Variants in KLRC1 observed in about 807,000 individuals in gnomAD.
KLRC1 encodes NKG2-A/NKG2-B type II integral membrane protein.
KLRC1 carries 22 observed loss-of-function variants against 25.9 expected under a neutral mutation model. The ratio of observed to expected loss-of-function variants is 0.85; its 90% confidence interval spans 0.61 to 1.21. The LOEUF (loss-of-function observed/expected upper bound fraction) is 1.21. Ranked by LOEUF, KLRC1 falls within the 50% of genes most tolerant of loss-of-function variation. The pLI is 0.00. For missense variants in KLRC1, 240 were observed against 272.2 expected, an observed-to-expected ratio of 0.88 and a Z score of 0.83; for synonymous variants, 77 against 93.1, an observed-to-expected ratio of 0.83 and a Z score of 0.99.
At chr12:10,445,064 T>G (rs1442501664), downstream of KLRC1, among the ~76,000 whole-genome samples, 1 of 151,632 alleles carries the variant, frequency 6.6e-6, no homozygotes, top group African/African-American at 2.4e-5. Context: ...GGACTATAGG[T>G]GCACACCACC....
At chr12:10,443,798 C>T, downstream of KLRC1, among the ~76,000 whole-genome samples, 1 of 140,228 alleles carries the variant, frequency 7.1e-6, no homozygotes, top group Admixed American at 6.9e-5. Flanking sequence ...ACTAGCCAAG[C>T]TTGGCCAGTG....
At position 10,449,395 on chromosome 12, in the gene KLRC1, A is replaced by G. The variant is rs368167526; in HGVS notation, c.338-7T>C. 1.4e-5 allele frequency: 23 copies of G among 1,612,328 alleles called. No homozygotes were observed. Among genetic ancestry groups the G allele is most frequent in the Non-Finnish European group, 2.0e-5 (23 of 1,179,294 alleles). On this transcript the variant is annotated splice_polypyrimidine_tract_variant and splice_region_variant and intron_variant, in intron 4 of 6. Transcript: ENST00000359151. Reference sequence around the variant, plus strand: ...CAATGGCCACAATGACGTGCTAAATAAAGATATGAATTACTATCTAGACCA... The same window carrying G: ...CAATGGCCACAATGACGTGCTAAATGAAGATATGAATTACTATCTAGACCA...
chr12:10,443,579 C>T (rs1188045194), downstream of KLRC1, among the ~76,000 whole-genome samples: 2 of 141,550 alleles, frequency 1.4e-5, no homozygotes, highest in African/African-American at 2.7e-5. Flanking sequence ...GGATTTTAAA[C>T]CCTTTTCTCT....
intron 5 of KLRC1, among the ~76,000 whole-genome samples, chr12:10,448,136 C>G (rs1864032817): frequency 6.6e-6 from 1 of 150,400 alleles, no homozygotes; most frequent in Admixed American, 6.6e-5. Context: ...ACTCGTCTCT[C>G]TCTGCTACTC....
intron 2 of KLRC1, 50 bp from the exon 3 acceptor site, chr12:10,450,629 G>T: frequency 8.5e-7 from 1 of 1,178,224 alleles, no homozygotes; most frequent in Non-Finnish European, 1.3e-6. Flanking sequence ...GGATACAGTC[G>T]TTTAGAAGAT....
rs373157153 is a variant in KLRC1 at position 10,453,221 on chromosome 12, A to T, written c.-55T>A. 4.1e-6 allele frequency: 4 copies of T among 985,372 alleles called. No homozygotes were observed. The highest frequency in any genetic ancestry group is 5.2e-4 in the Middle Eastern group (1 of 1,914). The allele number at this position is 985,372 out of a possible 1,614,324, so 61.0% of individuals were successfully genotyped here. On this transcript the variant is annotated 5_prime_UTR_variant, in exon 1 of 7. It removes an upstream start codon present in the reference 5' UTR. Transcript: ENST00000359151. Reference sequence around the variant, plus strand: ...ACCTTCTGTCCCCAGAAAGTCACACATCCTTTAGTGGAGAGGCCAGGTTAG... The same window carrying T: ...ACCTTCTGTCCCCAGAAAGTCACACTTCCTTTAGTGGAGAGGCCAGGTTAG...
downstream of KLRC1, among the ~76,000 whole-genome samples, chr12:10,444,519 T>G (rs1863949917): frequency 6.6e-6 from 1 of 152,216 alleles, no homozygotes; most frequent in Admixed American, 6.5e-5. Flanking sequence ...ATTATGGTCT[T>G]TACAGTTATT....
rs1483775724 is a variant in KLRC1, at chr12:10,451,192, A to G, written c.-31-5T>C. On this transcript the variant is annotated splice_region_variant and splice_polypyrimidine_tract_variant and intron_variant, in intron 1 of 6. Transcript: ENST00000359151. ...TGTGATGTCAGGGACTGTACTCTAT[A>G]ATAACAGTAGTTAAGAAGTTAATAA... is the stretch of plus-strand genomic sequence containing the variant. The G allele has an allele frequency of 6.6e-7, 1 of 1,525,030 alleles. No homozygotes were observed. The highest frequency in any genetic ancestry group is 1.4e-5 in the African/African-American group (1 of 72,158). 94.5% of individuals were successfully genotyped at this position (1,525,030 alleles called of 1,614,324 possible).
In KLRC1 at chr12:10,450,590, A is replaced by G. The variant is rs776834711; in HGVS notation, c.188-11T>C. On this transcript the variant is annotated splice_polypyrimidine_tract_variant and intron_variant, in intron 2 of 6. Transcript: ENST00000359151. ...GAGCTGATGGTAAATCTGCAGGGAG[A>G]GAAATGGGAACAGTGCGAAAGGAGA... is the stretch of plus-strand genomic sequence containing the variant. 12 of 1,544,036 alleles carry G rather than the reference A, an allele frequency of 7.8e-6. No homozygotes were observed. Among genetic ancestry groups the G allele is most frequent in the Non-Finnish European group, 1.1e-5 (12 of 1,116,590 alleles).
chr12:10,443,641 G>A (rs544425534), downstream of KLRC1, among the ~76,000 whole-genome samples: 3 of 141,540 alleles, frequency 2.1e-5, 1 homozygote, highest in South Asian at 6.6e-4. Context: ...ATCTGAACTA[G>A]ACACGTAGTT....
downstream of KLRC1, among the ~76,000 whole-genome samples, chr12:10,442,605 CCA>C: frequency 3.7e-4 from 1 of 2,702 alleles, no homozygotes; most frequent in South Asian, 5.0e-3. Flanking sequence ...AAAAGTGGAG[CCA>C]CCATATGATC....
intron 1 of KLRC1, among the ~76,000 whole-genome samples, chr12:10,452,327 C>T (rs1314904528): frequency 6.6e-6 from 1 of 152,086 alleles, no homozygotes; most frequent in Non-Finnish European, 1.5e-5. Flanking sequence ...TGTATAAGTA[C>T]TTGTAAAATT....
chr12:10,450,943 A>G (rs1864111388), intron 2 of KLRC1, 27 bp downstream of exon 2: 11 of 1,535,894 alleles, frequency 7.2e-6, no homozygotes, highest in Admixed American at 3.5e-5. Context: ...CTAGACTGTT[A>G]TATTGAGGAT....
rs1217144490 is a variant in KLRC1 at position 10,449,985 on chromosome 12, A to C, written c.284-18T>G. The C allele has an allele frequency of 6.9e-7, 1 of 1,443,164 alleles. No individual in the cohort carries two copies. The highest frequency in any genetic ancestry group is 2.6e-5 in the Admixed American group (1 of 37,846). 89.4% of individuals were successfully genotyped at this position (1,443,164 alleles called of 1,614,324 possible). ...TAATGTAGCTAGAAAAATTAAAGTA[A>C]TCTTTGTAAAAAAATTAGCATCTAA... On this transcript the variant is annotated intron_variant, in intron 3 of 6. Coordinates refer to ENST00000359151, the MANE Select transcript of KLRC1 (RefSeq NM_002259.5).
intron 5 of KLRC1, among the ~76,000 whole-genome samples, chr12:10,448,702 A>G (rs1051652346): frequency 1.6e-4 from 25 of 152,354 alleles, no homozygotes; most frequent in African/African-American, 6.0e-4. Context: ...AATAATATGG[A>G]GGAATTGCAT....
downstream of KLRC1, among the ~76,000 whole-genome samples, chr12:10,443,507 G>T (rs938878455): frequency 2.9e-5 from 4 of 138,968 alleles, 1 homozygote; most frequent in African/African-American, 1.1e-4. Flanking sequence ...ATCATTGCAT[G>T]TACCTAATGC....
downstream of KLRC1, among the ~76,000 whole-genome samples, chr12:10,445,449 ACAC>A (rs1481974235): frequency 1.3e-5 from 2 of 152,192 alleles, no homozygotes; most frequent in Non-Finnish European, 2.9e-5. Flanking sequence ...GATGAAAACA[ACAC>A]CAAGCTTTGT....
At chr12:10,447,836 A>T (rs923921692) in intron 5 of KLRC1, among the ~76,000 whole-genome samples, 1 of 152,220 alleles carries the variant, frequency 6.6e-6, no homozygotes, top group African/African-American at 2.4e-5. Flanking sequence ...CTTGCATTAT[A>T]ATAGTTACCC....
intron 4 of KLRC1, 34 bp from the exon 5 acceptor site, chr12:10,449,422 T>C (rs767927010): frequency 6.3e-7 from 1 of 1,595,704 alleles, no homozygotes; most frequent in Non-Finnish European, 8.5e-7. Context: ...TCTAGACCAA[T>C]ATGAATTTTT....
Sources: gnomAD v4.1 joint callset for allele counts (sites outside exome capture counted in the v4.1 genomes callset) on GRCh38, gnomAD v4.1.1 for gene constraint, MANE v1.5 for transcripts, NCBI Gene and HGNC (gene_info 2026-07-23, HGNC 2026-07-21) for gene names.